The following ASNSD1 variants were observed in gnomAD, a reference collection of about 807,000 sequenced individuals.
ASNSD1 encodes asparagine synthetase domain-containing protein 1.
ASNSD1 carries 36 observed loss-of-function variants against 48.3 expected under a neutral mutation model. The observed-to-expected ratio is 0.75, with a 90% CI of 0.57 to 0.99. The LOEUF (loss-of-function observed/expected upper bound fraction) is 0.99, where lower values mean the gene tolerates loss of function less well. Ranked by LOEUF, ASNSD1 falls within the 50% of genes least tolerant of loss-of-function variation. The pLI, the probability that ASNSD1 is intolerant of heterozygous loss-of-function variation, is 0.00. For synonymous variants in ASNSD1, 257 were observed against 262.1 expected (o/e 0.98, Z 0.19); for missense variants, 714 against 758.2 (o/e 0.94, Z 0.69).
At chr2:189,662,574 T>A (rs183820267) in intron 1 of ASNSD1, among the ~76,000 whole-genome samples, 1 of 152,076 alleles carries the variant, frequency 6.6e-6, no homozygotes, top group Admixed American at 6.5e-5. Flanking sequence ...TGGGGGTGAA[T>A]TTTCAAAAGA....
At chr2:189,667,975 G>T in intron 5 of ASNSD1, 30 bp downstream of exon 5, 1 of 1,573,430 alleles carries the variant, frequency 6.4e-7, no homozygotes, top group South Asian at 1.2e-5. Flanking sequence ...TGTTCTTACG[G>T]TATTTTTATA....
Position 189,666,735 on chromosome 2 carries a change from T to C in ASNSD1, c.603T>C (p.Tyr201=), listed in dbSNP as rs759050855. The change falls in exon 4 of 6, where the codon TAT becomes TAC. Residue 201 remains tyrosine, a synonymous_variant. Coordinates refer to ENST00000260952, the MANE Select transcript of ASNSD1 (RefSeq NM_019048.4). ...TTTTACAACTGTATCCTTGGAAATATATTTCTAGGGAGAATATTATTGAAG... is the reference window on the plus strand; with the variant it reads ...TTTTACAACTGTATCCTTGGAAATACATTTCTAGGGAGAATATTATTGAAG... ...CIILQLYPWK[Y]ISRENIIEEN... is the part of the protein sequence containing the mutation. 7 of 1,613,310 alleles carry C rather than the reference T, an allele frequency of 4.3e-6. No individual in the cohort carries two copies. Among genetic ancestry groups the C allele is most frequent in the Middle Eastern group, 1.6e-4 (1 of 6,062 alleles).
At position 189,667,891 on chromosome 2, in the gene ASNSD1, C is replaced by A; in HGVS notation, c.1592C>A (p.Ser531Tyr). The stretch of plus-strand genomic sequence containing the variant: ...ATGATGGAACTGGGTCGAATTTCTT[C>A]TAGAAATCTTGGTCGTGATGACAGA... ...EIMMELGRIS[S>Y]RNLGRDDRVI... is the part of the protein sequence containing the mutation. Residue 531 changes from serine to tyrosine, a missense_variant, in exon 5 of 6, where the codon TCT becomes TAT. Ser to Tyr is a moderately radical substitution (Grantham distance 144). Transcript: ENST00000260952. 1 of 1,613,920 alleles carries A rather than the reference C, an allele frequency of 6.2e-7. No individual in the cohort carries two copies. The highest frequency in any genetic ancestry group is 8.5e-7 in the Non-Finnish European group (1 of 1,179,974).
intron 2 of ASNSD1, among the ~76,000 whole-genome samples, chr2:189,664,889 T>G (rs372073504): frequency 4.0e-4 from 61 of 152,352 alleles, no homozygotes; most frequent in African/African-American, 1.4e-3. Context: ...GAGAGAATCA[T>G]GGTAGTGCAC....
Position 189,667,207 on chromosome 2 carries a change from G to A in ASNSD1, c.1075G>A (p.Glu359Lys), listed in dbSNP as rs370637526. The A allele has an allele frequency of 1.5e-5, 25 of 1,614,028 alleles. No individual in the cohort carries two copies. The highest frequency in any genetic ancestry group is 1.5e-4 in the Admixed American group (9 of 59,996). The part of the protein sequence containing the change: ...IDLLNVAFIA[E>K]EKTMPTTFNR... The stretch of plus-strand genomic sequence containing the variant: ...TCTTCTTAATGTAGCTTTCATAGCT[G>A]AAGAAAAGACCATGCCAACTACCTT... The change falls in exon 4 of 6, where the codon GAA becomes AAA. Residue 359 changes from glutamate to lysine, a missense_variant. Physicochemically the swap from Glu to Lys is moderately conservative, Grantham distance 56. Transcript: ENST00000260952.
chr2:189,665,760 T>C (rs926572060), intron 3 of ASNSD1, among the ~76,000 whole-genome samples: 1 of 151,530 alleles, frequency 6.6e-6, no homozygotes, highest in African/African-American at 2.4e-5. Flanking sequence ...GTGAAATACT[T>C]TAAGCCTCCA....
chr2:189,669,130 C>T lies in ASNSD1; in HGVS notation c.1646+1185C>T, dbSNP rs1417379701. ...TTCAGTCTTTTCCTCTTTCCACTGACTTGTAGTTGCCTTTACACAGTTGTC... is the reference window on the plus strand; with the variant it reads ...TTCAGTCTTTTCCTCTTTCCACTGATTTGTAGTTGCCTTTACACAGTTGTC... On this transcript the variant is annotated intron_variant, in intron 5 of 5. Coordinates refer to ENST00000260952, the MANE Select transcript of ASNSD1 (RefSeq NM_019048.4). Among the ~76,000 whole-genome samples, 3 of 152,248 alleles carry T rather than the reference C, an allele frequency of 2.0e-5. No individual in the cohort carries two copies. In the East Asian group the frequency reaches 5.8e-4, roughly 29 times the overall value.
Position 189,666,996 on chromosome 2 carries a change from T to A in ASNSD1, c.864T>A (p.Asp288Glu). 1 of 1,614,218 alleles carries A rather than the reference T, an allele frequency of 6.2e-7. No individual in the cohort carries two copies. Among genetic ancestry groups the A allele is most frequent in the Non-Finnish European group, 8.5e-7 (1 of 1,180,038 alleles). The change falls in exon 4 of 6, where the codon GAT becomes GAA. Residue 288 changes from aspartate (D) to glutamate (E), a missense_variant. By Grantham distance (45) the Asp-to-Glu change is conservative. Transcript: ENST00000260952. ...HMKEVIQQFI[D>E]VLSVAVKKRV... ...AGGAAGTAATTCAGCAGTTCATTGATGTCCTGAGTGTAGCAGTCAAGAAAC... is the reference window on the plus strand; with the variant it reads ...AGGAAGTAATTCAGCAGTTCATTGAAGTCCTGAGTGTAGCAGTCAAGAAAC...
chr2:189,665,628 A>G lies in ASNSD1; in HGVS notation c.-93+177A>G, dbSNP rs996570961. Reference sequence around the variant, plus strand: ...TATATATATATATATATATATATATATATATATATATATATATATTATAAA... The same window carrying G: ...TATATATATATATATATATATATATGTATATATATATATATATATTATAAA... On this transcript the variant is annotated intron_variant, in intron 3 of 5. Coordinates refer to ENST00000260952, the MANE Select transcript of ASNSD1 (RefSeq NM_019048.4). 5.3e-4 allele frequency among the ~76,000 whole-genome samples: 66 copies of G among 124,446 alleles called. 1 individual carries two copies. In the Middle Eastern group the frequency reaches 0.012, roughly 23 times the overall value. 81.6% of individuals were successfully genotyped at this position (124,446 alleles called of 152,430 possible). A position where few individuals can be genotyped will look rare whatever the true frequency, so the allele number is the denominator to read the frequency against.
At position 189,667,185 on chromosome 2, in the gene ASNSD1, T is replaced by C. The variant is rs2032827355; in HGVS notation, c.1053T>C (p.Leu351=). The change falls in exon 4 of 6, where the codon CTT becomes CTC. Residue 351 remains leucine (L), a synonymous_variant. Coordinates refer to ENST00000260952, the MANE Select transcript of ASNSD1 (RefSeq NM_019048.4). ...RHIPLDEPID[L]LNVAFIAEEK... is the part of the protein sequence containing the mutation. Reference sequence around the variant, plus strand: ...TTCCTTTAGATGAACCAATTGATCTTCTTAATGTAGCTTTCATAGCTGAAG... The same window carrying C: ...TTCCTTTAGATGAACCAATTGATCTCCTTAATGTAGCTTTCATAGCTGAAG... The C allele has an allele frequency of 6.2e-7, 1 of 1,614,112 alleles. No homozygotes were observed. Among genetic ancestry groups the C allele is most frequent in the African/African-American group, 1.3e-5 (1 of 74,932 alleles).
At chr2:189,662,293 G>C (rs1306924920) in intron 1 of ASNSD1, among the ~76,000 whole-genome samples, 1 of 152,184 alleles carries the variant, frequency 6.6e-6, no homozygotes, top group Non-Finnish European at 1.5e-5. Context: ...GGGGTGGCGA[G>C]GGTTATAGCC....
chr2:189,667,466 T>TTA lies in ASNSD1; in HGVS notation c.1334_1335insTA (p.Cys446AsnfsTer4). The TTA allele has an allele frequency of 1.2e-6, 2 of 1,614,190 alleles. No individual in the cohort carries two copies. The highest frequency in any genetic ancestry group is 1.7e-5 in the Admixed American group (1 of 60,010). The stretch of plus-strand genomic sequence containing the variant: ...CTGCAGAAATTAAGAAGAACTCGAA[T>TTA]ATGTCACTTAATTCGGCCATTGGAT... On this transcript the variant is annotated frameshift_variant, in exon 4 of 6. Coordinates refer to ENST00000260952, the MANE Select transcript of ASNSD1 (RefSeq NM_019048.4). LOFTEE classifies it high-confidence loss of function.
chr2:189,666,300 G>T lies in ASNSD1; in HGVS notation c.168G>T (p.Leu56Phe), dbSNP rs1272514522. 7.4e-6 allele frequency: 12 copies of T among 1,613,924 alleles called. No individual in the cohort carries two copies. Among genetic ancestry groups the T allele is most frequent in the African/African-American group, 1.3e-5 (1 of 74,904 alleles). Residue 56 changes from leucine to phenylalanine, a missense_variant, in exon 4 of 6, where the codon TTG becomes TTT. Transcript: ENST00000260952. ...QCLFSAHVLH[L>F]RGVLTTQPVE... The stretch of plus-strand genomic sequence containing the variant: ...TATTTTCTGCTCACGTCCTACACTT[G>T]AGGGGTGTTTTGACTACCCAGCCTG...
At chr2:189,665,608 A>G (rs901044389) in intron 3 of ASNSD1, among the ~76,000 whole-genome samples, 157 bp downstream of exon 3, 1,764 of 13,320 alleles carry the variant, frequency 0.13, 82 homozygotes, top group East Asian at 0.25. Flanking sequence ...GTATATATAT[A>G]TATATATATA....
chr2:189,667,857 A>G lies in ASNSD1; in HGVS notation c.1558A>G (p.Lys520Glu). 2 of 1,614,142 alleles carry G rather than the reference A, an allele frequency of 1.2e-6. No homozygotes were observed. Among genetic ancestry groups the G allele is most frequent in the Non-Finnish European group, 1.7e-6 (2 of 1,180,016 alleles). Residue 520 changes from lysine to glutamate, a missense_variant, in exon 5 of 6, where the codon AAG becomes GAG. Coordinates refer to ENST00000260952, the MANE Select transcript of ASNSD1 (RefSeq NM_019048.4). ...FQSHGLEGLN[K>E]EIMMELGRIS... ...GTCGCATGGGCTGGAAGGATTGAAT[A>G]AGGAAATAATGATGGAACTGGGTCG...
At chr2:189,663,549 G>A (rs975663125) in intron 1 of ASNSD1, among the ~76,000 whole-genome samples, 3 of 152,166 alleles carry the variant, frequency 2.0e-5, no homozygotes, top group Admixed American at 6.5e-5. Flanking sequence ...CACCGCACCC[G>A]GCCTGGTGTA....
chr2:189,670,801 C>G lies in ASNSD1; in HGVS notation c.*75C>G. 1 of 1,079,656 alleles carries G rather than the reference C, an allele frequency of 9.3e-7. No individual in the cohort carries two copies. The allele number at this position is 1,079,656 out of a possible 1,614,324, so 66.9% of individuals were successfully genotyped here. Reference sequence around the variant, plus strand: ...AAAAGTAAGATACTCTGCTGCTTTACTATTGTATAACATAGTAGTTTTAAA... The same window carrying G: ...AAAAGTAAGATACTCTGCTGCTTTAGTATTGTATAACATAGTAGTTTTAAA... On this transcript the variant is annotated 3_prime_UTR_variant, in exon 6 of 6. Transcript: ENST00000260952.
chr2:189,670,622 A>G lies in ASNSD1; in HGVS notation c.1828A>G (p.Ile610Val), dbSNP rs1274233525. The change falls in exon 6 of 6, where the codon ATT (isoleucine) becomes GTT (valine). Residue 610 changes from isoleucine (I) to valine (V), a missense_variant. Physicochemically the swap from Ile to Val is conservative, Grantham distance 29 (BLOSUM62 3). Coordinates refer to ENST00000260952, the MANE Select transcript of ASNSD1 (RefSeq NM_019048.4). ...PKRAMQFGSR[I>V]AKMEKINEKA... ...ACGGGCCATGCAGTTTGGATCAAGAATTGCAAAAATGGAAAAAATTAATGA... is the reference window on the plus strand; with the variant it reads ...ACGGGCCATGCAGTTTGGATCAAGAGTTGCAAAAATGGAAAAAATTAATGA... The G allele has an allele frequency of 2.5e-5, 41 of 1,613,920 alleles. No homozygotes were observed. The highest frequency in any genetic ancestry group is 3.2e-5 in the Non-Finnish European group (38 of 1,179,972).
chr2:189,667,130 T>C lies in ASNSD1; in HGVS notation c.998T>C (p.Met333Thr), dbSNP rs1235243587. The change falls in exon 4 of 6, where the codon ATG (methionine) becomes ACG (threonine). Residue 333 changes from methionine (M) to threonine (T), a missense_variant. By Grantham distance (81) the Met-to-Thr change is moderately conservative. Coordinates refer to ENST00000260952, the MANE Select transcript of ASNSD1 (RefSeq NM_019048.4). ...AILFSGGIDS[M>T]VIATLADRHI... The stretch of plus-strand genomic sequence containing the variant: ...CTGTTTTCTGGGGGCATTGATTCCA[T>C]GGTTATTGCAACCCTTGCTGACCGT... 2 of 1,614,242 alleles carry C rather than the reference T, an allele frequency of 1.2e-6. No individual in the cohort carries two copies. The highest frequency in any genetic ancestry group is 1.7e-6 in the Non-Finnish European group (2 of 1,180,038).
Sources: gnomAD v4.1 joint callset for allele counts (sites outside exome capture counted in the v4.1 genomes callset) on GRCh38, gnomAD v4.1.1 for gene constraint, MANE v1.5 for transcripts, NCBI Gene and HGNC (gene_info 2026-07-23, HGNC 2026-07-21) for gene names.